RNLS: variants seen among roughly 807,000 people sequenced by gnomAD.
RNLS encodes renalase.
A neutral mutation model predicts 39.8 loss-of-function variants in RNLS; 39 were observed. The observed-to-expected ratio is 0.98, with a 90% CI of 0.76 to 1.28. The LOEUF (loss-of-function observed/expected upper bound fraction) is 1.28. RNLS is among the 50% of genes most tolerant of loss of function. The pLI is 0.00. For synonymous variants in RNLS, 147 were observed against 150.7 expected (o/e 0.98, Z 0.18); for missense variants, 410 against 413.3 (o/e 0.99, Z 0.07).
intron 5 of RNLS, among the ~76,000 whole-genome samples, chr10:88,355,077 G>T (rs1317668123): frequency 6.6e-6 from 1 of 152,054 alleles, no homozygotes; most frequent in East Asian, 1.9e-4. Flanking sequence ...GGTCCTTTAA[G>T]GACTTCTCTG....
chr10:88,282,483 ACACACACACAC>A (rs1843052851), downstream of RNLS, among the ~76,000 whole-genome samples: 3 of 8,806 alleles, frequency 3.4e-4, no homozygotes, highest in Admixed American at 4.0e-3. Flanking sequence ...GAAAATACAC[ACACACACACAC>A]ACACACACAC....
chr10:88,401,811 C>A (rs149267402), intron 4 of RNLS, among the ~76,000 whole-genome samples: 3 of 152,102 alleles, frequency 2.0e-5, no homozygotes, highest in Admixed American at 1.3e-4. Context: ...GTGCATAAAT[C>A]ATACATGGCT....
chr10:88,395,504 A>G (rs1176056179), intron 4 of RNLS, among the ~76,000 whole-genome samples: 1 of 152,054 alleles, frequency 6.6e-6, no homozygotes, highest in Admixed American at 6.6e-5. Flanking sequence ...TTGAGCAGGC[A>G]GAATAAAGAA....
chr10:88,572,135 G>T (rs143626546), intron 4 of RNLS, among the ~76,000 whole-genome samples: 173 of 152,174 alleles, frequency 1.1e-3, no homozygotes, highest in African/African-American at 4.0e-3. Context: ...AGAGTAAATA[G>T]CTGCTGTCAA....
intron 4 of RNLS, among the ~76,000 whole-genome samples, chr10:88,482,498 T>G (rs1185454586): frequency 6.6e-6 from 1 of 152,186 alleles, no homozygotes; most frequent in African/African-American, 2.4e-5. Context: ...TTTAATTCTT[T>G]TTTCTTTTTA....
At chr10:88,325,936 C>T (rs1846566529) in intron 5 of RNLS, among the ~76,000 whole-genome samples, 2 of 152,156 alleles carry the variant, frequency 1.3e-5, no homozygotes, top group African/African-American at 2.4e-5. Context: ...CTCCCCACTT[C>T]GCTCCTCACT....
intron 4 of RNLS, among the ~76,000 whole-genome samples, chr10:88,490,979 T>A (rs761037601): frequency 5.9e-5 from 9 of 152,192 alleles, no homozygotes; most frequent in Non-Finnish European, 1.2e-4. Flanking sequence ...AGTATTCTTA[T>A]AAGTTGTGTG....
chr10:88,277,442 C>T (rs931353510), intron 6 of RNLS, among the ~76,000 whole-genome samples: 2 of 151,778 alleles, frequency 1.3e-5, no homozygotes, highest in Admixed American at 6.6e-5. Context: ...CAAATCTGCA[C>T]GTTGTGCACA....
chr10:88,494,481 T>C (rs979182929), intron 4 of RNLS, among the ~76,000 whole-genome samples: 65 of 152,200 alleles, frequency 4.3e-4, no homozygotes, highest in African/African-American at 1.4e-3. Flanking sequence ...TTATTTTCTT[T>C]TCATTTCATT....
rs112248329 is a variant in RNLS at position 88,446,685 on chromosome 10, C to T, written c.527-83960G>A. The stretch of plus-strand genomic sequence containing the variant: ...CTACCATCAGAGAATACTATAAACA[C>T]CTCTACCTGGCAGAGACACAACAAA... On this transcript the variant is annotated intron_variant, in intron 4 of 6. Transcript: ENST00000331772. Among the ~76,000 whole-genome samples the T allele has an allele frequency of 6.9e-3, 1,054 of 152,246 alleles. 11 individuals carry two copies. The highest frequency in any genetic ancestry group is 0.024 in the African/African-American group (998 of 41,544).
intron 4 of RNLS, among the ~76,000 whole-genome samples, chr10:88,550,294 A>G (rs1848546519): frequency 6.6e-6 from 1 of 152,218 alleles, no homozygotes; most frequent in Non-Finnish European, 1.5e-5. Context: ...TCCTTTGGTA[A>G]CTGATTTTTT....
At chr10:88,564,859 C>CT (rs1232294312) in intron 4 of RNLS, among the ~76,000 whole-genome samples, 3 of 152,136 alleles carry the variant, frequency 2.0e-5, no homozygotes, top group African/African-American at 7.2e-5. Context: ...ACAATTACAT[C>CT]TGCTTCTTCC....
the RNLS span, among the ~76,000 whole-genome samples, chr10:88,248,219 G>A: frequency 1.9e-3 from 291 of 152,238 alleles, 7 homozygotes; most frequent in Admixed American, 0.019. Context: ...TCACACTTAC[G>A]TATCTAGAGT....
chr10:88,328,122 G>A (rs2133141407), intron 5 of RNLS, among the ~76,000 whole-genome samples: 1 of 152,274 alleles, frequency 6.6e-6, no homozygotes, highest in Non-Finnish European at 1.5e-5. Flanking sequence ...TGGCCAGGCT[G>A]GTCTCAAATT....
At chr10:88,333,495 T>C (rs1847265920) in intron 5 of RNLS, among the ~76,000 whole-genome samples, 1 of 152,182 alleles carries the variant, frequency 6.6e-6, no homozygotes, top group African/African-American at 2.4e-5. Flanking sequence ...AATCTTACCA[T>C]AGCTATCATT....
At chr10:88,322,503 G>C (rs1846260976) in intron 5 of RNLS, among the ~76,000 whole-genome samples, 1 of 152,134 alleles carries the variant, frequency 6.6e-6, no homozygotes, top group Non-Finnish European at 1.5e-5. Flanking sequence ...AGATCTGATG[G>C]TATTTAAAGT....
chr10:88,498,670 C>CCCTT (rs1845305275), intron 4 of RNLS, among the ~76,000 whole-genome samples: 1 of 151,230 alleles, frequency 6.6e-6, no homozygotes, highest in Admixed American at 6.6e-5. Context: ...TATGAAAATG[C>CCCTT]CCTTGTTTTA....
intron 4 of RNLS, among the ~76,000 whole-genome samples, chr10:88,525,054 T>G (rs1205470459): frequency 7.0e-6 from 1 of 142,938 alleles, no homozygotes; most frequent in Non-Finnish European, 1.5e-5. Context: ...ATAAATAAAC[T>G]GCAGCAAGGA....
intron 4 of RNLS, among the ~76,000 whole-genome samples, chr10:88,488,704 A>C (rs1844711280): frequency 6.6e-6 from 1 of 152,220 alleles, no homozygotes; most frequent in East Asian, 1.9e-4. Flanking sequence ...GACGGCTAAT[A>C]GAGCAAAAGT....
Sources: gnomAD v4.1 joint callset for allele counts (sites outside exome capture counted in the v4.1 genomes callset) on GRCh38, gnomAD v4.1.1 for gene constraint, MANE v1.5 for transcripts, NCBI Gene and HGNC (gene_info 2026-07-23, HGNC 2026-07-21) for gene names.